Variants in FOXP1 observed in about 807,000 individuals in gnomAD.
The protein encoded by FOXP1 is forkhead box protein P1.
In FOXP1, 15 loss-of-function variants were observed where a neutral mutation model predicts 98.2. The ratio of observed to expected loss-of-function variants is 0.15; its 90% confidence interval spans 0.10 to 0.24. FOXP1 has a LOEUF of 0.24. FOXP1 is among the 10% of genes least tolerant of loss of function. The pLI, the probability that FOXP1 is intolerant of heterozygous loss-of-function variation, is 1.00. For synonymous variants in FOXP1, 371 were observed against 314.5 expected, an observed-to-expected ratio of 1.18 and a Z score of -1.90; for missense variants, 633 against 848.5, an observed-to-expected ratio of 0.75 and a Z score of 3.15.
intron 5 of FOXP1, among the ~76,000 whole-genome samples, chr3:71,290,563 G>A (rs1281576200): frequency 3.3e-5 from 5 of 152,064 alleles, no homozygotes; most frequent in Non-Finnish European, 7.3e-5. Context: ...CTCCCAGAGC[G>A]ATCCATTTAA....
At chr3:71,409,840 C>T (rs1214354147) in intron 3 of FOXP1, among the ~76,000 whole-genome samples, 1 of 152,266 alleles carries the variant, frequency 6.6e-6, no homozygotes, top group East Asian at 1.9e-4. Context: ...ATGGCAAAAC[C>T]TTGTCTCTGC....
At chr3:71,581,788 C>G in intron 1 of FOXP1, 91 bp from the exon 2 acceptor site, 2 of 985,740 alleles carry the variant, frequency 2.0e-6, no homozygotes, top group Non-Finnish European at 1.2e-6. Flanking sequence ...GTGAGTAGGC[C>G]GAGGGGCCAG....
chr3:71,077,746 A>G (rs781452381), intron 7 of FOXP1, among the ~76,000 whole-genome samples: 2 of 152,224 alleles, frequency 1.3e-5, no homozygotes, highest in African/African-American at 2.4e-5. Context: ...GAATAAACCA[A>G]CGAATGAATG....
chr3:70,997,607 T>C (rs984991658), intron 13 of FOXP1, among the ~76,000 whole-genome samples: 10 of 152,222 alleles, frequency 6.6e-5, no homozygotes, highest in Admixed American at 5.9e-4. Flanking sequence ...CTGCTTTGGC[T>C]TGGCCCCTTT....
intron 7 of FOXP1, among the ~76,000 whole-genome samples, chr3:71,060,500 C>G (rs1031888553): frequency 9.2e-5 from 14 of 151,956 alleles, no homozygotes; most frequent in African/African-American, 3.4e-4. Flanking sequence ...AATGGGAAAC[C>G]CGTGCAGACC....
chr3:71,342,069 T>C lies in FOXP1; in HGVS notation c.-73+17081A>G, dbSNP rs141242561. On this transcript the variant is annotated intron_variant, in intron 4 of 20. Coordinates refer to ENST00000649528, the MANE Select transcript of FOXP1 (RefSeq NM_001349338.3). ...ATAACTAGTCTTATGAATTTAACTT[T>C]TTTGCCGCTTATCAGATTTACATGC... 6.2e-4 allele frequency among the ~76,000 whole-genome samples: 94 copies of C among 152,306 alleles called. 1 individual carries two copies. Among genetic ancestry groups the C allele is most frequent in the African/African-American group, 2.2e-3 (91 of 41,582 alleles).
chr3:71,054,686 C>T (rs979669237), intron 7 of FOXP1, among the ~76,000 whole-genome samples: 2 of 152,080 alleles, frequency 1.3e-5, no homozygotes, highest in Non-Finnish European at 2.9e-5. Context: ...CTACATGAGA[C>T]CCATTTTGTC....
At chr3:71,565,991 T>C (rs917041473) in intron 2 of FOXP1, among the ~76,000 whole-genome samples, 1 of 152,210 alleles carries the variant, frequency 6.6e-6, no homozygotes, top group African/African-American at 2.4e-5. Context: ...CACAGATCCA[T>C]GTGTTACTTC....
intron 3 of FOXP1, among the ~76,000 whole-genome samples, chr3:71,481,626 C>A (rs2090283957): frequency 6.6e-6 from 1 of 152,158 alleles, no homozygotes; most frequent in South Asian, 2.1e-4. Flanking sequence ...TATTCCCCAA[C>A]CCCAAAAACA....
At chr3:71,188,407 ATT>A (rs11321568) in intron 6 of FOXP1, among the ~76,000 whole-genome samples, 2 of 143,994 alleles carry the variant, frequency 1.4e-5, no homozygotes, top group Admixed American at 6.9e-5. Context: ...TTTTTTCTTT[ATT>A]TTTTTTTTCC....
In FOXP1 at chr3:71,543,122, G is replaced by A. The variant is rs149288306; in HGVS notation, c.-298+38427C>T. 3.5e-4 allele frequency among the ~76,000 whole-genome samples: 54 copies of A among 152,224 alleles called. No individual in the cohort carries two copies. In the East Asian group the frequency reaches 5.8e-3, roughly 16 times the overall value. On this transcript the variant is annotated intron_variant, in intron 2 of 20. Transcript: ENST00000649528. ...TGTAGTGTCTGCCGAGTTATTCCCC[G>A]CTTCGGCTCTGTAACCAAGTGGGCG...
intron 2 of FOXP1, chr3:71,570,216 C>T (rs906267044): frequency 6.6e-6 from 1 of 151,956 alleles, no homozygotes; most frequent in Non-Finnish European, 1.5e-5. Context: ...TGACAGGAAG[C>T]TTTAGTGCTC....
At chr3:71,441,946 A>G (rs1052823857) in intron 3 of FOXP1, among the ~76,000 whole-genome samples, 5 of 152,180 alleles carry the variant, frequency 3.3e-5, no homozygotes, top group African/African-American at 1.2e-4. Context: ...CACATAATAA[A>G]TCTCTGTTCT....
intron 2 of FOXP1, among the ~76,000 whole-genome samples, chr3:71,575,987 A>G (rs1315687041): frequency 6.6e-6 from 1 of 152,274 alleles, no homozygotes; most frequent in East Asian, 1.9e-4. Context: ...TGTCCACCTG[A>G]CTTACAAGTA....
chr3:71,157,058 C>T (rs191028478), intron 6 of FOXP1, among the ~76,000 whole-genome samples: 1 of 152,218 alleles, frequency 6.6e-6, no homozygotes, highest in African/African-American at 2.4e-5. Context: ...AGTGGAGGAG[C>T]ATACACTTCC....
In FOXP1 at chr3:70,977,094, G is replaced by A. The variant is rs376501792; in HGVS notation, c.1429-52C>T. On this transcript the variant is annotated intron_variant, in intron 16 of 20. Coordinates refer to ENST00000649528, the MANE Select transcript of FOXP1 (RefSeq NM_001349338.3). ...AATTTATGACCAAATCAGCAGAGTC[G>A]TCATTCCACAGTTTCTCGAAAATAT... 14 of 1,181,894 alleles carry A rather than the reference G, an allele frequency of 1.2e-5. No homozygotes were observed. In the East Asian group the frequency reaches 1.6e-4, roughly 14 times the overall value. The allele number at this position is 1,181,894 out of a possible 1,614,324, so 73.2% of individuals were successfully genotyped here.
chr3:71,406,601 C>G (rs1046657336), intron 3 of FOXP1, among the ~76,000 whole-genome samples: 1 of 151,492 alleles, frequency 6.6e-6, no homozygotes, highest in African/African-American at 2.4e-5. Flanking sequence ...CTGGGTTCGC[C>G]GAGATACTCC....
Position 71,333,514 on chromosome 3 carries a change from T to C in FOXP1, c.-73+25636A>G, listed in dbSNP as rs1026105153. ...GCTAAAAGACATTAAGAATAAGATA[T>C]ACGGCCTGAAAGAATTACATAAATC... On this transcript the variant is annotated intron_variant, in intron 4 of 20. Transcript: ENST00000649528. 2.0e-5 allele frequency: 3 copies of C among 152,194 alleles called. No individual in the cohort carries two copies. The South Asian group carries it at 6.2e-4, about 31-fold the overall frequency. The allele number at this position is 152,194 out of a possible 1,614,324, so 9.4% of individuals were successfully genotyped here.
chr3:71,193,178 T>C lies in FOXP1; in HGVS notation c.180+5024A>G, dbSNP rs1485590471. 2.0e-3 allele frequency among the ~76,000 whole-genome samples: 301 copies of C among 147,336 alleles called. 2 individuals are homozygous for C. The highest frequency in any genetic ancestry group is 6.8e-3 in the African/African-American group (259 of 38,018). On this transcript the variant is annotated intron_variant, in intron 6 of 20. Coordinates refer to ENST00000649528, the MANE Select transcript of FOXP1 (RefSeq NM_001349338.3). ...GTGTTTTTTTTTTGAGACGGAGTCT[T>C]GCTCTGTTGCCCAGGCTGGAGTGCA...
Sources: allele counts gnomAD v4.1 joint callset (sites outside exome capture counted in the v4.1 genomes callset), GRCh38; gene constraint gnomAD v4.1.1; transcripts MANE v1.5; gene names NCBI Gene and HGNC (gene_info 2026-07-23, HGNC 2026-07-21).